The following PTCD1 variants were observed in gnomAD, a reference collection of about 807,000 sequenced individuals.
PTCD1 encodes the protein pentatricopeptide repeat domain 1, also known as pentatricopeptide repeat-containing protein 1, mitochondrial.
PTCD1 carries 50 observed loss-of-function variants against 53.4 expected under a neutral mutation model. The observed-to-expected ratio is 0.94, with a 90% CI of 0.75 to 1.19. The LOEUF (loss-of-function observed/expected upper bound fraction) is 1.19. PTCD1 is among the 50% of genes most tolerant of loss of function. The pLI, the probability that PTCD1 is intolerant of heterozygous loss-of-function variation, is 0.00. For missense variants in PTCD1, 918 were observed against 904.8 expected (o/e 1.01, Z -0.19); for synonymous variants, 413 against 394.8 (o/e 1.05, Z -0.55).
chr7:99,437,188 A>T lies in PTCD1; in HGVS notation c.-27+1504T>A, dbSNP rs1056550189. On this transcript the variant is annotated intron_variant, in intron 1 of 7. Transcript: ENST00000292478. ...GCCTTACGTGCATTAATTACAATAC[A>T]CAGAATTACAAAACAAAAAGCAATG... is the stretch of plus-strand genomic sequence containing the variant. Among the ~76,000 whole-genome samples the T allele has an allele frequency of 2.0e-5, 3 of 152,222 alleles. No individual in the cohort carries two copies. The South Asian group carries it at 6.2e-4, about 31-fold the overall frequency.
chr7:99,421,646 T>C (rs983851064), intron 7 of PTCD1, among the ~76,000 whole-genome samples: 2 of 148,382 alleles, frequency 1.3e-5, no homozygotes, highest in African/African-American at 2.5e-5. Flanking sequence ...TCCCAGCAAC[T>C]CGGGAGGCTG....
At chr7:99,433,035 C>A in intron 3 of PTCD1, 1 of 595,120 alleles carries the variant, frequency 1.7e-6, no homozygotes, top group Non-Finnish European at 3.0e-6. Flanking sequence ...AGTGAGGCTC[C>A]CTCTGTTTTT....
Position 99,429,625 on chromosome 7 carries a change from T to A in PTCD1, c.776A>T (p.Lys259Met), listed in dbSNP as rs1796183485. The change falls in exon 4 of 8, where the codon AAG (lysine) becomes ATG (methionine). Residue 259 changes from lysine (K) to methionine (M), a missense_variant. Transcript: ENST00000292478. ...GAGGCACATCCTAAGGTCTGCGCAC[T>A]TGGCAGCCATCTTCAGCAGCGCGTG... ...TYHALLKMAA[K>M]CADLRMCLDV... The A allele has an allele frequency of 1.2e-6, 2 of 1,614,220 alleles. No individual in the cohort carries two copies. Among genetic ancestry groups the A allele is most frequent in the South Asian group, 1.1e-5 (1 of 91,088 alleles).
At chr7:99,433,550 T>C in intron 2 of PTCD1, 132 bp from the exon 3 acceptor site, 1 of 1,550,596 alleles carries the variant, frequency 6.4e-7, no homozygotes, top group Non-Finnish European at 8.7e-7. Flanking sequence ...GCAAACCCCC[T>C]GGGCCCCCAG....
At chr7:99,436,357 C>T (rs868853039) in intron 1 of PTCD1, among the ~76,000 whole-genome samples, 3 of 151,932 alleles carry the variant, frequency 2.0e-5, no homozygotes, top group Non-Finnish European at 4.4e-5. Context: ...CGGTGGCTCA[C>T]GCCTGTAATC....
Position 99,423,188 on chromosome 7 carries a change from T to C in PTCD1, c.1920+587A>G, listed in dbSNP as rs1408725157. 2.6e-5 allele frequency among the ~76,000 whole-genome samples: 4 copies of C among 151,814 alleles called. No homozygotes were observed. In the South Asian group the frequency reaches 8.3e-4, roughly 32 times the overall value. On this transcript the variant is annotated intron_variant, in intron 7 of 7. Coordinates refer to ENST00000292478, the MANE Select transcript of PTCD1 (RefSeq NM_015545.4). ...TATTCACCCCAGACAATGACACCACTTCACTGCCTGCCCAGTCCCTGAGCA... is the reference window on the plus strand; with the variant it reads ...TATTCACCCCAGACAATGACACCACCTCACTGCCTGCCCAGTCCCTGAGCA...
At chr7:99,426,423 C>T (rs373714944) in intron 5 of PTCD1, among the ~76,000 whole-genome samples, 2 of 152,198 alleles carry the variant, frequency 1.3e-5, no homozygotes, top group East Asian at 1.9e-4. Context: ...AGCTCCTAAC[C>T]GCGAGTGATC....
At chr7:99,434,586 C>T (rs1192165170) in intron 2 of PTCD1, among the ~76,000 whole-genome samples, 2 of 147,630 alleles carry the variant, frequency 1.4e-5, no homozygotes, top group Non-Finnish European at 3.0e-5. Flanking sequence ...GTGCAACCTC[C>T]GTCTCTACAA....
In PTCD1 at chr7:99,429,735, G is replaced by A. The variant is rs553037458; in HGVS notation, c.666C>T (p.Pro222=). The stretch of plus-strand genomic sequence containing the variant: ...CGCTCTGTAGAGCTGAGTCCTTCCA[G>A]GGGGACTCGGCACAGACGTTGAACA... ...TALFNVCAES[P]WKDSALQSAL... The change falls in exon 4 of 8, where the codon CCC becomes CCT. Residue 222 remains proline (P), a synonymous_variant. Coordinates refer to ENST00000292478, the MANE Select transcript of PTCD1 (RefSeq NM_015545.4). The A allele has an allele frequency of 1.1e-5, 17 of 1,614,224 alleles. No individual in the cohort carries two copies. In the South Asian group the frequency reaches 1.6e-4, roughly 16 times the overall value.
At chr7:99,430,809 C>T (rs946894757) in intron 3 of PTCD1, among the ~76,000 whole-genome samples, 13 of 152,356 alleles carry the variant, frequency 8.5e-5, no homozygotes, top group African/African-American at 1.4e-4. Flanking sequence ...CCGTGGCTCA[C>T]GCCTATAATC....
At chr7:99,428,783 G>T (rs73397469) in intron 5 of PTCD1, among the ~76,000 whole-genome samples, 2,136 of 151,934 alleles carry the variant, frequency 0.014, 56 homozygotes, top group African/African-American at 0.05. Context: ...TGCACCTGCA[G>T]AAGTGCTAAT....
chr7:99,420,161 A>G lies in PTCD1; in HGVS notation c.1921-12T>C. 2 of 1,614,076 alleles carry G rather than the reference A, an allele frequency of 1.2e-6. No homozygotes were observed. The highest frequency in any genetic ancestry group is 1.7e-6 in the Non-Finnish European group (2 of 1,180,012). On this transcript the variant is annotated splice_polypyrimidine_tract_variant and intron_variant, in intron 7 of 7. Coordinates refer to ENST00000292478, the MANE Select transcript of PTCD1 (RefSeq NM_015545.4). Reference sequence around the variant, plus strand: ...TTCTTCCCTTGGTACTAGAATTAGAAAAGTGAGGCTAGAATCACTCCTGTT... The same window carrying G: ...TTCTTCCCTTGGTACTAGAATTAGAGAAGTGAGGCTAGAATCACTCCTGTT...
At chr7:99,433,477 G>A in intron 2 of PTCD1, 59 bp from the exon 3 acceptor site, 1 of 1,612,832 alleles carries the variant, frequency 6.2e-7, no homozygotes, top group Non-Finnish European at 8.5e-7. Context: ...CCTCAGCAGA[G>A]AGAGGGAGGT....
At chr7:99,427,374 G>A (rs1472410165) in intron 5 of PTCD1, among the ~76,000 whole-genome samples, 4 of 144,738 alleles carry the variant, frequency 2.8e-5, no homozygotes, top group African/African-American at 7.7e-5. Context: ...CCCCCCGCCC[G>A]GCCAGCCGCC....
chr7:99,422,593 A>G (rs2150947245), intron 7 of PTCD1, among the ~76,000 whole-genome samples: 1 of 152,336 alleles, frequency 6.6e-6, no homozygotes, highest in South Asian at 2.1e-4. Flanking sequence ...CAGCCCCCAA[A>G]TAATTTCTTT....
rs1228814934 is a variant in PTCD1 at position 99,419,168 on chromosome 7, T to C, written c.*799A>G. The C allele has an allele frequency of 3.5e-6, 2 of 579,604 alleles. No individual in the cohort carries two copies. The highest frequency in any genetic ancestry group is 2.9e-5 in the East Asian group (1 of 34,992). The allele number at this position is 579,604 out of a possible 1,614,324, so 35.9% of individuals were successfully genotyped here. The stretch of plus-strand genomic sequence containing the variant: ...ACGTGTGTTGGATTTGCAGAACATA[T>C]TATAAATAGACATACAGATGTAACC... On this transcript the variant is annotated 3_prime_UTR_variant, in exon 8 of 8. Coordinates refer to ENST00000292478, the MANE Select transcript of PTCD1 (RefSeq NM_015545.4).
chr7:99,419,570 T>TGTC lies in PTCD1; in HGVS notation c.*394_*396dup. On this transcript the variant is annotated 3_prime_UTR_variant, in exon 8 of 8. Coordinates refer to ENST00000292478, the MANE Select transcript of PTCD1 (RefSeq NM_015545.4). ...ACGGTCTCTATGGGGAAGGCTTCGC[T>TGTC]GTCTATCAGCTGTGATTTGTAAAAA... The TGTC allele has an allele frequency of 5.8e-6, 6 of 1,037,390 alleles. No homozygotes were observed. The highest frequency in any genetic ancestry group is 8.7e-6 in the Non-Finnish European group (6 of 688,326). 64.3% of individuals were successfully genotyped at this position (1,037,390 alleles called of 1,614,324 possible). A position where few individuals can be genotyped will look rare whatever the true frequency, so the allele number is the denominator to read the frequency against.
chr7:99,438,503 A>G (rs1584473397), intron 1 of PTCD1, 189 bp downstream of exon 1: 1 of 1,108,470 alleles, frequency 9.0e-7, no homozygotes, highest in Non-Finnish European at 1.1e-6. Context: ...CCTCGGAGAG[A>G]CCCGCCCCTC....
chr7:99,437,286 A>C (rs1273363108), intron 1 of PTCD1, among the ~76,000 whole-genome samples: 1 of 152,202 alleles, frequency 6.6e-6, no homozygotes, highest in Non-Finnish European at 1.5e-5. Flanking sequence ...TTTTCAATGC[A>C]TGAAATAACA....
Sources: allele counts gnomAD v4.1 joint callset (sites outside exome capture counted in the v4.1 genomes callset), GRCh38; gene constraint gnomAD v4.1.1; transcripts MANE v1.5; gene names NCBI Gene and HGNC (gene_info 2026-07-23, HGNC 2026-07-21).